The following GPC1 variants were observed in gnomAD, a reference collection of about 807,000 sequenced individuals.
GPC1 encodes glypican 1.
Under a neutral mutation model 51.5 loss-of-function variants are expected in GPC1, and 26 were observed. The ratio of observed to expected loss-of-function variants is 0.50; its 90% CI spans 0.37 to 0.70. GPC1 has a LOEUF of 0.70. Among genes scored for constraint, GPC1 ranks in the 30% least tolerant of loss-of-function variants. The pLI, the probability that GPC1 is intolerant of heterozygous loss-of-function variation, is 0.00. For missense variants in GPC1, 775 were observed against 800.5 expected (o/e 0.97, Z 0.38); for synonymous variants, 380 against 348.3 (o/e 1.09, Z -1.01).
At chr2:240,443,492 AGG>A (rs746013594) in intron 1 of GPC1, among the ~76,000 whole-genome samples, 12 of 152,114 alleles carry the variant, frequency 7.9e-5, no homozygotes, top group Admixed American at 2.0e-4. Flanking sequence ...GCAGCCACCC[AGG>A]GGCTCCACCT....
chr2:240,454,559 C>T (rs1391517341), intron 1 of GPC1, among the ~76,000 whole-genome samples: 1 of 152,214 alleles, frequency 6.6e-6, no homozygotes, highest in African/African-American at 2.4e-5. Context: ...GAGGCCTAGG[C>T]TCTTCCCTTG....
At chr2:240,450,984 GGTGACTGGGTGGA>G (rs775762027) in intron 1 of GPC1, 40 of 408,804 alleles carry the variant, frequency 9.8e-5, no homozygotes, top group African/African-American at 2.7e-4. Context: ...AGCTGGGTGG[GGTGACTGGGTGGA>G]GTGACTGGGT....
chr2:240,458,286 C>T (rs566386541), intron 1 of GPC1: 8 of 294,848 alleles, frequency 2.7e-5, no homozygotes, highest in Non-Finnish European at 4.9e-5. Context: ...CTGTCCTGTC[C>T]CCACTCCCCA....
intron 2 of GPC1, 21 bp from the exon 3 acceptor site, chr2:240,462,170 A>G (rs1419252300): frequency 6.5e-7 from 1 of 1,545,332 alleles, no homozygotes; most frequent in Non-Finnish European, 8.8e-7. Context: ...GGTCCCGATC[A>G]CGCCCCCTCC....
At chr2:240,457,322 G>A (rs766617610) in intron 1 of GPC1, 1 of 432,936 alleles carries the variant, frequency 2.3e-6, no homozygotes, top group Non-Finnish European at 5.1e-6. Context: ...AGCAGGCACA[G>A]AGGCTACAGG....
intron 1 of GPC1, among the ~76,000 whole-genome samples, chr2:240,447,040 C>T (rs906255905): frequency 6.6e-6 from 1 of 152,128 alleles, no homozygotes; most frequent in East Asian, 1.9e-4. Context: ...GAACCCCTGG[C>T]GTCTGGCACC....
At chr2:240,463,126 G>A (rs1321199688) in intron 3 of GPC1, among the ~76,000 whole-genome samples, 1 of 152,124 alleles carries the variant, frequency 6.6e-6, no homozygotes, top group African/African-American at 2.4e-5. Context: ...ATGCGGGTGA[G>A]GATATTCTTG....
chr2:240,452,934 GC>G, intron 1 of GPC1: 2 of 316,228 alleles, frequency 6.3e-6, no homozygotes, highest in South Asian at 2.3e-5. Context: ...CTTCCGCCCG[GC>G]CCCGCTCCGC....
intron 1 of GPC1, chr2:240,442,319 G>C (rs2074022901): frequency 6.6e-6 from 1 of 152,334 alleles, no homozygotes; most frequent in African/African-American, 2.4e-5. Context: ...TGCCGGGGTT[G>C]GGAGCACAAG....
intron 2 of GPC1, 94 bp downstream of exon 2, chr2:240,459,282 GT>G: frequency 8.3e-7 from 1 of 1,199,974 alleles, no homozygotes; most frequent in South Asian, 1.4e-5. Flanking sequence ...AATGCCAAGG[GT>G]GGGGGATTGG....
chr2:240,451,086 G>A (rs756265003), intron 1 of GPC1: 22 of 470,006 alleles, frequency 4.7e-5, no homozygotes, highest in South Asian at 1.9e-4. Flanking sequence ...TGGTTGGGTC[G>A]GAGGTGAGCG....
rs1182171273 is a variant in GPC1, at chr2:240,459,061, C to T, written c.198C>T (p.Tyr66=). The change falls in exon 2 of 9, where the codon TAC becomes TAT. Residue 66 remains tyrosine (Y), a synonymous_variant. Coordinates refer to ENST00000264039, the MANE Select transcript of GPC1 (RefSeq NM_002081.3). ...ACCTGCGGATCTGTCCCCAGGGCTA[C>T]ACCTGCTGCACCAGCGAGATGGAGG... ...GEHLRICPQG[Y]TCCTSEMEEN... 1.9e-6 allele frequency: 3 copies of T among 1,612,904 alleles called. No individual in the cohort carries two copies. The highest frequency in any genetic ancestry group is 2.2e-5 in the East Asian group (1 of 44,876).
At chr2:240,450,356 T>C (rs756047137) in intron 1 of GPC1, 15 of 339,904 alleles carry the variant, frequency 4.4e-5, no homozygotes, top group Non-Finnish European at 8.1e-5. Context: ...TCCCCTGGGA[T>C]TGGAGTCAGG....
intron 1 of GPC1, chr2:240,450,474 A>C (rs887665722): frequency 9.7e-6 from 4 of 413,388 alleles, no homozygotes; most frequent in Non-Finnish European, 2.0e-5. Context: ...TTAGCTCTCT[A>C]TGTGTCAGCT....
intron 1 of GPC1, among the ~76,000 whole-genome samples, chr2:240,446,979 G>C (rs1051692689): frequency 6.6e-6 from 1 of 152,158 alleles, no homozygotes; most frequent in African/African-American, 2.4e-5. Context: ...TCCATGGGGG[G>C]ATAAGGGGTG....
intron 1 of GPC1, among the ~76,000 whole-genome samples, chr2:240,442,679 G>A (rs529240760): frequency 3.3e-5 from 5 of 152,350 alleles, no homozygotes; most frequent in South Asian, 4.1e-4. Context: ...CTGAGGAATC[G>A]GGGTTAGGCC....
rs760464197 is a variant in GPC1 at position 240,465,452 on chromosome 2, C to T, written c.1269-21C>T. On this transcript the variant is annotated intron_variant, in intron 7 of 8. Transcript: ENST00000264039. ...GCAGGGGCTGGAGCAGTGACCTGGG[C>T]TCTGCCTGCCTTTCCCCCAGGTACC... The T allele has an allele frequency of 9.3e-6, 15 of 1,610,042 alleles. No homozygotes were observed. The South Asian group carries it at 1.6e-4, about 18-fold the overall frequency.
intron 1 of GPC1, among the ~76,000 whole-genome samples, chr2:240,440,807 T>C (rs1212071165): frequency 1.9e-4 from 28 of 144,986 alleles, no homozygotes; most frequent in Middle Eastern, 3.8e-3. Context: ...GCCTCCGGTC[T>C]TGCCCAGCTC....
chr2:240,462,023 G>A (rs533371361), intron 2 of GPC1, among the ~76,000 whole-genome samples, 168 bp from the exon 3 acceptor site: 33 of 152,138 alleles, frequency 2.2e-4, no homozygotes, highest in South Asian at 8.3e-4. Flanking sequence ...GTCTCGGGGC[G>A]CCCCATGGAT....
Sources: allele counts gnomAD v4.1 joint callset (sites outside exome capture counted in the v4.1 genomes callset), GRCh38; gene constraint gnomAD v4.1.1; transcripts MANE v1.5; gene names NCBI Gene and HGNC (gene_info 2026-07-23, HGNC 2026-07-21).